Variants in AADACL3 observed in about 807,000 individuals in gnomAD.
AADACL3 encodes the protein arylacetamide deacetylase-like 3.
AADACL3 carries 13 observed loss-of-function variants against 13.6 expected under a neutral mutation model. The ratio of observed to expected loss-of-function variants is 0.95; its 90% CI spans 0.62 to 1.52. The LOEUF (loss-of-function observed/expected upper bound fraction) is 1.52, where lower values mean the gene tolerates loss of function less well. Ranked by LOEUF, AADACL3 falls within the 40% of genes most tolerant of loss-of-function variation. The pLI is 0.00. For synonymous variants in AADACL3, 195 were observed against 197.0 expected (o/e 0.99, Z 0.08); for missense variants, 519 against 499.2 (o/e 1.04, Z -0.38).
chr1:12,725,335 TG>T lies in AADACL3; in HGVS notation c.565del (p.Val189SerfsTer10), dbSNP rs1638343473. 5.0e-6 allele frequency: 8 copies of T among 1,614,100 alleles called. No individual in the cohort carries two copies. Among genetic ancestry groups the T allele is most frequent in the Non-Finnish European group, 6.8e-6 (8 of 1,180,006 alleles). ...TATGGAGTGGATCCAGCCCGGGTTG[TG>T]GTCTGCGGTGACAGTTTCGGAGGGG... ...DAYGVDPARV[V>X]VCGDSFGGAI... On this transcript the variant is annotated frameshift_variant, in exon 4 of 4. Coordinates refer to ENST00000359318, the MANE Select transcript of AADACL3 (RefSeq NM_001103170.3). LOFTEE classifies it low-confidence loss of function (END_TRUNC).
rs1227287039 is a variant in AADACL3 at position 12,723,878 on chromosome 1, GGTTCAAGGGATTCTTCTGCCTCA to G, written c.450-1342_450-1320del. Reference sequence around the variant, plus strand: ...GGCTCACCACAACTTCTGCCTCCTGGGTTCAAGGGATTCTTCTGCCTCAGCCTTCCTGAGTAGCTGGGATTACA... The same window carrying G: ...GGCTCACCACAACTTCTGCCTCCTGGGCCTTCCTGAGTAGCTGGGATTACA... On this transcript the variant is annotated intron_variant, in intron 3 of 3. Coordinates refer to ENST00000359318, the MANE Select transcript of AADACL3 (RefSeq NM_001103170.3). Among the ~76,000 whole-genome samples the G allele has an allele frequency of 4.1e-5, 3 of 73,852 alleles. No homozygotes were observed. In the East Asian group the frequency reaches 9.6e-4, roughly 24 times the overall value. The allele number at this position is 73,852 out of a possible 152,430, so 48.4% of individuals were successfully genotyped here. A position where few individuals can be genotyped will look rare whatever the true frequency, so the allele number is the denominator to read the frequency against.
chr1:12,725,328 C>T lies in AADACL3; in HGVS notation c.556C>T (p.Arg186Trp), dbSNP rs17038445. 9.6e-3 allele frequency: 15,521 copies of T among 1,614,080 alleles called. 191 individuals are homozygous for T. Among genetic ancestry groups the T allele is most frequent in the East Asian group, 0.057 (2,547 of 44,860 alleles). Residue 186 changes from arginine to tryptophan, a missense_variant, in exon 4 of 4, where the codon CGG (arginine) becomes TGG (tryptophan). By Grantham distance (101) the Arg-to-Trp change is moderately radical. Transcript: ENST00000359318. ...SLDAYGVDPA[R>W]VVVCGDSFGG... ...GGATGCATATGGAGTGGATCCAGCC[C>T]GGGTTGTGGTCTGCGGTGACAGTTT... is the stretch of plus-strand genomic sequence containing the variant.
At chr1:12,725,198 C>A in intron 3 of AADACL3, 24 bp from the exon 4 acceptor site, 1 of 1,568,940 alleles carries the variant, frequency 6.4e-7, no homozygotes, top group South Asian at 1.2e-5. Flanking sequence ...GCGTTATCAA[C>A]TGTGTTTCTT....
chr1:12,716,422 C>T, intron 1 of AADACL3, 78 bp downstream of exon 1: 3 of 1,581,602 alleles, frequency 1.9e-6, no homozygotes, highest in Non-Finnish European at 2.6e-6. Flanking sequence ...CCGGAAGCTT[C>T]TAGCTGAATG....
intron 3 of AADACL3, 50 bp downstream of exon 3, chr1:12,720,996 G>T: frequency 9.0e-7 from 1 of 1,109,042 alleles, no homozygotes; most frequent in Non-Finnish European, 1.3e-6. Context: ...AGGCTCTGAT[G>T]TGGAGAGATG....
rs1648518979 is a variant in AADACL3 at position 12,719,513 on chromosome 1, C to T, written c.207C>T (p.Pro69=). 3 of 1,613,976 alleles carry T rather than the reference C, an allele frequency of 1.9e-6. No homozygotes were observed. The highest frequency in any genetic ancestry group is 2.5e-6 in the Non-Finnish European group (3 of 1,180,000). The stretch of plus-strand genomic sequence containing the variant: ...AGAAGCTCAGAATCTGTTCTATGCC[C>T]CAATTTTTCTGTTTCATGCAAGATC... ...IFEKLRICSM[P]QFFCFMQDLP... Residue 69 remains proline, a synonymous_variant, in exon 2 of 4, where the codon CCC becomes CCT. Transcript: ENST00000359318.
intron 3 of AADACL3, among the ~76,000 whole-genome samples, chr1:12,722,618 G>A (rs943048529): frequency 2.0e-5 from 3 of 152,048 alleles, no homozygotes; most frequent in Non-Finnish European, 4.4e-5. Flanking sequence ...GCCTGAAATG[G>A]GGGTATGGAA....
At chr1:12,719,332 G>C (rs144971273) in intron 1 of AADACL3, 143 bp from the exon 2 acceptor site, 1 of 778,788 alleles carries the variant, frequency 1.3e-6, no homozygotes, top group East Asian at 2.4e-5. Context: ...GGAACTGAGG[G>C]CTTGAGTAGG....
chr1:12,717,098 A>AT (rs1298749539), intron 1 of AADACL3, among the ~76,000 whole-genome samples: 5 of 152,312 alleles, frequency 3.3e-5, no homozygotes, highest in Admixed American at 3.3e-4. Context: ...TATACAAAAT[A>AT]TTTTTTGTAA....
rs924613625 is a variant in AADACL3, at chr1:12,716,233, C to T, written c.57C>T (p.Val19=). Residue 19 remains valine (V), a synonymous_variant, in exon 1 of 4, where the codon GTC becomes GTT. Transcript: ENST00000359318. Reference sequence around the variant, plus strand: ...CAGCCTGCGTGTTCTCACTAGGGGTCACTCTGTGGGTCATTTGCAGCCATT... The same window carrying T: ...CAGCCTGCGTGTTCTCACTAGGGGTTACTCTGTGGGTCATTTGCAGCCATT... ...LAAACVFSLG[V]TLWVICSHFF... is the part of the protein sequence containing the mutation. The T allele has an allele frequency of 2.1e-6, 3 of 1,398,808 alleles. No homozygotes were observed. Among genetic ancestry groups the T allele is most frequent in the Non-Finnish European group, 3.0e-6 (3 of 984,570 alleles). 86.6% of individuals were successfully genotyped at this position (1,398,808 alleles called of 1,614,324 possible).
In AADACL3 at chr1:12,727,736, A is replaced by G. The variant is rs1638398774; in HGVS notation, c.*1740A>G. ...TTGGAGAAATAGGAACCATCCCCTG[A>G]AAACACACACTATGGTAGCCACTCA... On this transcript the variant is annotated 3_prime_UTR_variant, in exon 4 of 4. Coordinates refer to ENST00000359318, the MANE Select transcript of AADACL3 (RefSeq NM_001103170.3). The G allele has an allele frequency of 6.6e-6, 1 of 152,262 alleles. No individual in the cohort carries two copies. Among genetic ancestry groups the G allele is most frequent in the Non-Finnish European group, 1.5e-5 (1 of 68,066 alleles). 9.4% of individuals were successfully genotyped at this position (152,262 alleles called of 1,614,324 possible). A position where few individuals can be genotyped will look rare whatever the true frequency, so the allele number is the denominator to read the frequency against.
chr1:12,719,128 C>T (rs922454284), intron 1 of AADACL3, among the ~76,000 whole-genome samples: 12 of 152,166 alleles, frequency 7.9e-5, no homozygotes, highest in East Asian at 3.9e-4. Context: ...ACAGATGTTG[C>T]GCCCAGGCTG....
chr1:12,720,627 C>T (rs1199150161), intron 2 of AADACL3, among the ~76,000 whole-genome samples: 1 of 152,186 alleles, frequency 6.6e-6, no homozygotes, highest in Non-Finnish European at 1.5e-5. Flanking sequence ...CCCTAAACCT[C>T]TGCGTTCTAC....
rs1189783351 is a variant in AADACL3 at position 12,716,320 on chromosome 1, C to T, written c.144C>T (p.Cys48=). 1 of 1,614,224 alleles carries T rather than the reference C, an allele frequency of 6.2e-7. No individual in the cohort carries two copies. The highest frequency in any genetic ancestry group is 1.1e-5 in the South Asian group (1 of 91,086). Residue 48 remains cysteine, a synonymous_variant, in exon 1 of 4, where the codon TGC becomes TGT. Coordinates refer to ENST00000359318, the MANE Select transcript of AADACL3 (RefSeq NM_001103170.3). ...CTGTGAAACTGAGAGTCCTCCATTG[C>T]ATCTTCCAGCTGCTGTTGACTTGGG... ...GHPVKLRVLH[C]IFQLLLTWGM...
chr1:12,720,918 G>C lies in AADACL3; in HGVS notation c.421G>C (p.Glu141Gln), dbSNP rs1159868359. The change falls in exon 3 of 4, where the codon GAG (glutamate) becomes CAG (glutamine). Residue 141 changes from glutamate (E) to glutamine (Q), a missense_variant. Physicochemically the swap from Glu to Gln is conservative, Grantham distance 29 (BLOSUM62 2). Transcript: ENST00000359318. ...TGGCATATGCTCTCGTTTGTGCAAG[G>C]AGAGTGACTCCGTGGTTCTGGCAGT... Reference protein sequence around the residue: ...HHGICSRLCKESDSVVLAVGY... With the variant: ...HHGICSRLCKQSDSVVLAVGY... 6.2e-7 allele frequency: 1 copy of C among 1,612,050 alleles called. No individual in the cohort carries two copies. The highest frequency in any genetic ancestry group is 2.2e-5 in the East Asian group (1 of 44,724).
At position 12,728,439 on chromosome 1, in the gene AADACL3, A is replaced by G. The variant is rs3000929; in HGVS notation, c.*2443A>G. On this transcript the variant is annotated 3_prime_UTR_variant, in exon 4 of 4. Coordinates refer to ENST00000359318, the MANE Select transcript of AADACL3 (RefSeq NM_001103170.3). ...CAATAGCATTATGTCTTTAAAAAGC[A>G]TGTACATACCTTAATTTAAAAATAC... The G allele has an allele frequency of 0.18, 27,006 of 152,256 alleles. 2,664 individuals are homozygous for G. Among genetic ancestry groups the G allele is most frequent in the Middle Eastern group, 0.24 (72 of 294 alleles). 9.4% of individuals were successfully genotyped at this position (152,256 alleles called of 1,614,324 possible). A position where few individuals can be genotyped will look rare whatever the true frequency, so the allele number is the denominator to read the frequency against.
rs1359704249 is a variant in AADACL3, at chr1:12,725,471, T to G, written c.699T>G (p.Pro233=). Residue 233 remains proline (P), a synonymous_variant, in exon 4 of 4, where the codon CCT becomes CCG. Coordinates refer to ENST00000359318, the MANE Select transcript of AADACL3 (RefSeq NM_001103170.3). ...AILQALDLQT[P]SFQQRKNIPL... is the part of the protein sequence containing the mutation. ...TCCAAGCCCTGGATTTACAAACCCCTTCGTTTCAACAGAGGAAAAACATCC... is the reference window on the plus strand; with the variant it reads ...TCCAAGCCCTGGATTTACAAACCCCGTCGTTTCAACAGAGGAAAAACATCC... 1.9e-6 allele frequency: 3 copies of G among 1,613,864 alleles called. No homozygotes were observed. Among genetic ancestry groups the G allele is most frequent in the African/African-American group, 1.3e-5 (1 of 74,900 alleles).
At chr1:12,724,420 C>T (rs534266377) in intron 3 of AADACL3, among the ~76,000 whole-genome samples, 27 of 152,248 alleles carry the variant, frequency 1.8e-4, no homozygotes, top group African/African-American at 5.1e-4. Context: ...AGGCTGGAAT[C>T]GTTTTTCTTT....
At chr1:12,721,988 G>C (rs892122936) in intron 3 of AADACL3, among the ~76,000 whole-genome samples, 2 of 152,116 alleles carry the variant, frequency 1.3e-5, no homozygotes, top group African/African-American at 4.8e-5. Flanking sequence ...TCTCAGTGGG[G>C]GTACATCTGC....
Sources: allele counts gnomAD v4.1 joint callset (sites outside exome capture counted in the v4.1 genomes callset), GRCh38; gene constraint gnomAD v4.1.1; transcripts MANE v1.5; gene names NCBI Gene and HGNC (gene_info 2026-07-23, HGNC 2026-07-21).